Variants in KCNJ8 observed in about 807,000 individuals in gnomAD.
KCNJ8 encodes ATP-sensitive inward rectifier potassium channel 8.
Under a neutral mutation model 28.2 loss-of-function variants are expected in KCNJ8, and 13 were observed. That is an observed-to-expected ratio of 0.46 (90% CI 0.30 to 0.73). The LOEUF is 0.73. Among genes scored for constraint, KCNJ8 ranks in the 30% least tolerant of loss-of-function variants. The pLI, the probability that KCNJ8 is intolerant of heterozygous loss-of-function variation, is 0.07. For synonymous variants in KCNJ8, 188 were observed against 195.9 expected (o/e 0.96, Z 0.34); for missense variants, 284 against 542.6 (o/e 0.52, Z 4.73).
At position 21,766,404 on chromosome 12, in the gene KCNJ8, C is replaced by A. The variant is rs779994541; in HGVS notation, c.594G>T (p.Val198=). 2 of 1,614,192 alleles carry A rather than the reference C, an allele frequency of 1.2e-6. No individual in the cohort carries two copies. Among genetic ancestry groups the A allele is most frequent in the African/African-American group, 2.7e-5 (2 of 75,050 alleles). ...ACAGCTTGCCATTTCGGACGGCAATCACAGCATGGCGGCTGAAAATCAAAG... is the reference window on the plus strand; with the variant it reads ...ACAGCTTGCCATTTCGGACGGCAATAACAGCATGGCGGCTGAAAATCAAAG... ...AETLIFSRHA[V]IAVRNGKLCF... is the part of the protein sequence containing the mutation. Residue 198 remains valine, a synonymous_variant, in exon 3 of 3, where the codon GTG becomes GTT. Transcript: ENST00000240662. This position sits in a 1 kb window ranked among gnomAD's most constrained non-coding sequence, Gnocchi z 6.5.
At chr12:21,769,338 G>A (rs978280614) in intron 2 of KCNJ8, among the ~76,000 whole-genome samples, 1 of 151,940 alleles carries the variant, frequency 6.6e-6, no homozygotes, top group Non-Finnish European at 1.5e-5. Flanking sequence ...GCCCACTGCT[G>A]AGACTTACTG....
In KCNJ8 at chr12:21,765,681, C is replaced by T. The variant is rs753967554; in HGVS notation, c.*42G>A. On this transcript the variant is annotated 3_prime_UTR_variant, in exon 3 of 3. Transcript: ENST00000240662. ...CAGTCTGGCAGTGCCCAGCATAAAC[C>T]GTCAAAACTTGATAAAAGACTGTCT... 56 of 1,572,126 alleles carry T rather than the reference C, an allele frequency of 3.6e-5. No individual in the cohort carries two copies. The highest frequency in any genetic ancestry group is 2.0e-4 in the East Asian group (9 of 44,660).
Position 21,771,862 on chromosome 12 carries a change from G to A in KCNJ8, c.374+1381C>T, listed in dbSNP as rs146242495. Among the ~76,000 whole-genome samples, 343 of 152,072 alleles carry A rather than the reference G, an allele frequency of 2.3e-3. 1 individual carries two copies. Among genetic ancestry groups the A allele is most frequent in the African/African-American group, 7.5e-3 (310 of 41,510 alleles). ...TAGAGTATCTATTGAACGTTTTAAC[G>A]GATATTTTAAGTATTGTGTTTTCTT... On this transcript the variant is annotated intron_variant, in intron 2 of 2. Coordinates refer to ENST00000240662, the MANE Select transcript of KCNJ8 (RefSeq NM_004982.4).
Position 21,766,149 on chromosome 12 carries a change from A to G in KCNJ8, c.849T>C (p.Thr283=). 1 of 1,614,174 alleles carries G rather than the reference A, an allele frequency of 6.2e-7. No homozygotes were observed. Among genetic ancestry groups the G allele is most frequent in the South Asian group, 1.1e-5 (1 of 91,080 alleles). ...CCTCCAAGTCTTGGTTGGCCAGGTC[A>G]GTTGCTGAGATGTCATACAGGGGAC... The part of the protein sequence containing the change: ...KRSPLYDISA[T]DLANQDLEVI... Residue 283 remains threonine, a synonymous_variant, in exon 3 of 3, where the codon ACT becomes ACC. Transcript: ENST00000240662. This position sits in a 1 kb window ranked among gnomAD's most constrained non-coding sequence, Gnocchi z 6.5.
intron 2 of KCNJ8, among the ~76,000 whole-genome samples, chr12:21,767,445 G>A (rs1053833873): frequency 2.0e-5 from 3 of 152,014 alleles, no homozygotes; most frequent in African/African-American, 7.2e-5. Flanking sequence ...GGTTAGTGGA[G>A]GCACTGGATT....
chr12:21,773,225 A>T lies in KCNJ8; in HGVS notation c.374+18T>A, dbSNP rs1373644197. On this transcript the variant is annotated intron_variant, in intron 2 of 2. Coordinates refer to ENST00000240662, the MANE Select transcript of KCNJ8 (RefSeq NM_004982.4). This position sits in a 1 kb window ranked among gnomAD's most constrained non-coding sequence, Gnocchi z 4.6. The stretch of plus-strand genomic sequence containing the variant: ...CTCTACTGTTTTCAACCCCTGCCTC[A>T]TCCCACTACATTCTTACCTGACATT... 1.2e-6 allele frequency: 2 copies of T among 1,612,272 alleles called. No homozygotes were observed. Among genetic ancestry groups the T allele is most frequent in the East Asian group, 2.2e-5 (1 of 44,890 alleles).
Position 21,773,294 on chromosome 12 carries a change from C to G in KCNJ8, c.323G>C (p.Ser108Thr). The change falls in exon 2 of 3, where the codon AGT becomes ACT. Residue 108 changes from serine to threonine, a missense_variant. Around this residue, in one of 8 missense-constraint regions of KCNJ8, gnomAD observed 42 missense variants for 50.9 expected, o/e 0.83. Transcript: ENST00000240662. The surrounding 1 kb of genome is among the most constrained non-coding windows in gnomAD (Gnocchi z 4.6). ...HGDIYAYMEK[S>T]GMEKSGLEST... Reference sequence around the variant, plus strand: ...CTCCAAACCACTTTTCTCCATTCCACTTTTCTCCATGTAAGCATAGATGTC... The same window carrying G: ...CTCCAAACCACTTTTCTCCATTCCAGTTTTCTCCATGTAAGCATAGATGTC... 1.2e-6 allele frequency: 2 copies of G among 1,614,116 alleles called. No individual in the cohort carries two copies. Among genetic ancestry groups the G allele is most frequent in the Non-Finnish European group, 1.7e-6 (2 of 1,180,026 alleles).
chr12:21,765,626 A>C lies in KCNJ8; in HGVS notation c.*97T>G. On this transcript the variant is annotated 3_prime_UTR_variant, in exon 3 of 3. Transcript: ENST00000240662. ...ATCATTTAGTGTAATAAAATGTAGA[A>C]GGACACATTATTGTGTTCCAGCTCT... 9.9e-7 allele frequency: 1 copy of C among 1,008,682 alleles called. No individual in the cohort carries two copies. Among genetic ancestry groups the C allele is most frequent in the Non-Finnish European group, 1.6e-6 (1 of 629,760 alleles). The allele number at this position is 1,008,682 out of a possible 1,614,324, so 62.5% of individuals were successfully genotyped here.
intron 2 of KCNJ8, among the ~76,000 whole-genome samples, chr12:21,771,573 G>A (rs1940756761): frequency 3.3e-5 from 5 of 152,140 alleles, no homozygotes; most frequent in Admixed American, 2.0e-4. Context: ...GAAAAATGTT[G>A]TTTCCAATTT....
At position 21,765,597 on chromosome 12, in the gene KCNJ8, G is replaced by T; in HGVS notation, c.*126C>A. The T allele has an allele frequency of 1.2e-6, 1 of 844,760 alleles. No homozygotes were observed. Among genetic ancestry groups the T allele is most frequent in the Non-Finnish European group, 2.0e-6 (1 of 492,218 alleles). 52.3% of individuals were successfully genotyped at this position (844,760 alleles called of 1,614,324 possible). ...ACAGAAAGTGCTGTTGCTTGAATATGAATATCATTTAGTGTAATAAAATGT... is the reference window on the plus strand; with the variant it reads ...ACAGAAAGTGCTGTTGCTTGAATATTAATATCATTTAGTGTAATAAAATGT... On this transcript the variant is annotated 3_prime_UTR_variant, in exon 3 of 3. Coordinates refer to ENST00000240662, the MANE Select transcript of KCNJ8 (RefSeq NM_004982.4).
intron 2 of KCNJ8, among the ~76,000 whole-genome samples, chr12:21,770,182 G>A (rs1940725826): frequency 6.6e-6 from 1 of 152,098 alleles, no homozygotes; most frequent in Non-Finnish European, 1.5e-5. Flanking sequence ...CCACTACCCA[G>A]ATCAATCAGC....
chr12:21,765,949 G>A lies in KCNJ8; in HGVS notation c.1049C>T (p.Ala350Val). ...SKFGNTVKVA[A>V]PRCSARELDE... ...CAGCTCTCGGGCACTGCACCGTGGA[G>A]CAGCTACTTTAACAGTGTTGCCAAA... The change falls in exon 3 of 3, where the codon GCT becomes GTT. Residue 350 changes from alanine (A) to valine (V), a missense_variant. Ala to Val is a moderately conservative substitution (Grantham distance 64). Around this residue, in one of 8 missense-constraint regions of KCNJ8, gnomAD observed 107 missense variants for 235.6 expected, o/e 0.45. Coordinates refer to ENST00000240662, the MANE Select transcript of KCNJ8 (RefSeq NM_004982.4). The A allele has an allele frequency of 6.2e-7, 1 of 1,614,198 alleles. No individual in the cohort carries two copies. Among genetic ancestry groups the A allele is most frequent in the Non-Finnish European group, 8.5e-7 (1 of 1,180,024 alleles).
In KCNJ8 at chr12:21,766,527, C is replaced by T. The variant is rs143319002; in HGVS notation, c.471G>A (p.Thr157=). 86 of 1,612,444 alleles carry T rather than the reference C, an allele frequency of 5.3e-5. 1 individual carries two copies. In the African/African-American group the frequency reaches 1.0e-3, roughly 19 times the overall value. Reference sequence around the variant, plus strand: ...CCACAATATTCTGGAGAATCAAAACCGTGATGGCCAAAGGGCATTCCTCTG... The same window carrying T: ...CCACAATATTCTGGAGAATCAAAACTGTGATGGCCAAAGGGCATTCCTCTG... ...MMTEECPLAI[T]VLILQNIVGL... The change falls in exon 3 of 3, where the codon ACG becomes ACA. Residue 157 remains threonine, a synonymous_variant. Coordinates refer to ENST00000240662, the MANE Select transcript of KCNJ8 (RefSeq NM_004982.4). The surrounding 1 kb of genome is among the most constrained non-coding windows in gnomAD (Gnocchi z 6.5).
Position 21,766,518 on chromosome 12 carries a change from A to G in KCNJ8, c.480T>C (p.Ile160=). Residue 160 remains isoleucine, a synonymous_variant, in exon 3 of 3, where the codon ATT becomes ATC. Coordinates refer to ENST00000240662, the MANE Select transcript of KCNJ8 (RefSeq NM_004982.4). The surrounding 1 kb of genome is among the most constrained non-coding windows in gnomAD (Gnocchi z 6.5). Reference sequence around the variant, plus strand: ...TGATCAAACCCACAATATTCTGGAGAATCAAAACCGTGATGGCCAAAGGGC... The same window carrying G: ...TGATCAAACCCACAATATTCTGGAGGATCAAAACCGTGATGGCCAAAGGGC... ...EECPLAITVL[I]LQNIVGLIIN... The G allele has an allele frequency of 6.2e-7, 1 of 1,613,302 alleles. No homozygotes were observed. The highest frequency in any genetic ancestry group is 8.5e-7 in the Non-Finnish European group (1 of 1,180,004).
At chr12:21,769,950 A>G (rs1940719309) in intron 2 of KCNJ8, among the ~76,000 whole-genome samples, 1 of 152,232 alleles carries the variant, frequency 6.6e-6, no homozygotes, top group Admixed American at 6.5e-5. Context: ...TGAAATGACA[A>G]CAAAGAATTC....
chr12:21,773,602 C>T lies in KCNJ8; in HGVS notation c.15G>A (p.Lys5=). MLAR[K]SIIPEEYVLA... Reference sequence around the variant, plus strand: ...GCACATACTCCTCCGGGATGATACTCTTTCTGGCCAACATCGTCCTGTCAC... The same window carrying T: ...GCACATACTCCTCCGGGATGATACTTTTTCTGGCCAACATCGTCCTGTCAC... The change falls in exon 2 of 3, where the codon AAG becomes AAA. Residue 5 remains lysine (K), a synonymous_variant. Transcript: ENST00000240662. The surrounding 1 kb of genome is among the most constrained non-coding windows in gnomAD (Gnocchi z 4.6). The T allele has an allele frequency of 1.9e-6, 3 of 1,613,238 alleles. No homozygotes were observed. Among genetic ancestry groups the T allele is most frequent in the Non-Finnish European group, 2.5e-6 (3 of 1,180,036 alleles).
chr12:21,771,092 A>G (rs769837616), intron 2 of KCNJ8, among the ~76,000 whole-genome samples: 7 of 152,196 alleles, frequency 4.6e-5, no homozygotes, highest in Non-Finnish European at 8.8e-5. Context: ...TACCCACAAA[A>G]AGATATCTGG....
At position 21,773,760 on chromosome 12, in the gene KCNJ8, GA is replaced by G; in HGVS notation, c.-70-75del. The stretch of plus-strand genomic sequence containing the variant: ...CACCTCTTGGGTCCTTGTATTCAAG[GA>G]TATGTCTGTACATGTGCGAGGTGAC... On this transcript the variant is annotated intron_variant, in intron 1 of 2. Transcript: ENST00000240662. This position sits in a 1 kb window ranked among gnomAD's most constrained non-coding sequence, Gnocchi z 4.6. 8.8e-7 allele frequency: 1 copy of G among 1,131,802 alleles called. No individual in the cohort carries two copies. Among genetic ancestry groups the G allele is most frequent in the Non-Finnish European group, 1.3e-6 (1 of 770,886 alleles). 70.1% of individuals were successfully genotyped at this position (1,131,802 alleles called of 1,614,324 possible). A position where few individuals can be genotyped will look rare whatever the true frequency, so the allele number is the denominator to read the frequency against.
At position 21,773,067 on chromosome 12, in the gene KCNJ8, T is replaced by TA. The variant is rs1591889967; in HGVS notation, c.374+175dup. 6.6e-6 allele frequency among the ~76,000 whole-genome samples: 1 copy of TA among 152,230 alleles called. No individual in the cohort carries two copies. Among genetic ancestry groups the TA allele is most frequent in the South Asian group, 2.1e-4 (1 of 4,830 alleles). ...AGACTCTTCTCCATAAAGCTGCATT[T>TA]AAAAAATACTTACTGTGTTAGGTGT... On this transcript the variant is annotated intron_variant, in intron 2 of 2. Transcript: ENST00000240662. This position sits in a 1 kb window ranked among gnomAD's most constrained non-coding sequence, Gnocchi z 4.6.
Sources: allele counts gnomAD v4.1 joint callset (sites outside exome capture counted in the v4.1 genomes callset), GRCh38; gene constraint gnomAD v4.1.1; regional missense constraint gnomAD v4.1.1; non-coding constraint Gnocchi (gnomAD v3.1); transcripts MANE v1.5; gene names NCBI Gene and HGNC (gene_info 2026-07-23, HGNC 2026-07-21).